ACOXL: variants seen among roughly 807,000 people sequenced by gnomAD.
The protein encoded by ACOXL is acyl-coenzyme A oxidase-like protein.
ACOXL carries 70 observed loss-of-function variants against 71.9 expected under a neutral mutation model. The observed-to-expected ratio is 0.97, with a 90% CI of 0.80 to 1.19. The LOEUF (loss-of-function observed/expected upper bound fraction) is 1.19, where lower values mean the gene tolerates loss of function less well. ACOXL is among the 50% of genes most tolerant of loss of function. The probability of loss-of-function intolerance (pLI) is 0.00; values close to 1 mark genes in which losing one functional copy is unlikely to be tolerated. For synonymous variants in ACOXL, 253 were observed against 281.6 expected (o/e 0.90, Z 1.02); for missense variants, 703 against 736.3 (o/e 0.95, Z 0.52).
intron 12 of ACOXL, chr2:110,963,565 A>ATGTGTGTGTGTGTGTGTG: frequency 6.9e-7 from 1 of 1,453,398 alleles, no homozygotes; most frequent in East Asian, 2.7e-5. Flanking sequence ...CAAATTTGAA[A>ATGTGTGTGTGTGTGTGTG]TGTGTGTGTG....
chr2:110,895,420 A>C (rs947750258), intron 10 of ACOXL, among the ~76,000 whole-genome samples: 4 of 152,198 alleles, frequency 2.6e-5, no homozygotes, highest in Admixed American at 2.0e-4. Flanking sequence ...AGTCTCAGGA[A>C]CTTGTGGAAC....
chr2:110,774,900 C>T (rs1356924715), intron 2 of ACOXL, among the ~76,000 whole-genome samples: 1 of 152,230 alleles, frequency 6.6e-6, no homozygotes, highest in African/African-American at 2.4e-5. Context: ...GGAGGCCTCT[C>T]ACTTCCTGAT....
At chr2:110,876,391 G>A (rs1695906523) in intron 10 of ACOXL, among the ~76,000 whole-genome samples, 1 of 152,154 alleles carries the variant, frequency 6.6e-6, no homozygotes, top group Non-Finnish European at 1.5e-5. Context: ...ATGCCCAGGG[G>A]CCGGGTCAGC....
chr2:111,004,308 G>A (rs547586607), intron 14 of ACOXL, among the ~76,000 whole-genome samples: 1 of 28,650 alleles, frequency 3.5e-5, no homozygotes, highest in East Asian at 5.1e-4. Context: ...CTTTAGAGAT[G>A]CTTGGCCAAA....
chr2:110,794,111 G>GA lies in ACOXL; in HGVS notation c.283dup (p.Arg95LysfsTer17), dbSNP rs755405366. On this transcript the variant is annotated frameshift_variant, in exon 5 of 18. Transcript: ENST00000439055. LOFTEE classifies it high-confidence loss of function. Reference sequence around the variant, plus strand: ...ACACTGGGATGTTTGCAATGACCGAGAGGGGCCATGGGAGCAACGCGAGAG... The same window carrying GA: ...ACACTGGGATGTTTGCAATGACCGAGAAGGGGCCATGGGAGCAACGCGAGAG... The GA allele has an allele frequency of 4.3e-6, 7 of 1,614,078 alleles. No homozygotes were observed. Among genetic ancestry groups the GA allele is most frequent in the Non-Finnish European group, 5.9e-6 (7 of 1,180,044 alleles).
At chr2:110,771,482 A>G (rs891074489) in intron 2 of ACOXL, among the ~76,000 whole-genome samples, 1 of 152,164 alleles carries the variant, frequency 6.6e-6, no homozygotes, top group Non-Finnish European at 1.5e-5. Context: ...ATGTGTAATG[A>G]TGATGTTCTA....
At chr2:110,984,247 G>C (rs556005550) in intron 12 of ACOXL, among the ~76,000 whole-genome samples, 1 of 152,120 alleles carries the variant, frequency 6.6e-6, no homozygotes, top group Admixed American at 6.6e-5. Flanking sequence ...TTTTTAAATA[G>C]AGTTAAAAAT....
At chr2:110,885,634 C>T (rs1006021322) in intron 10 of ACOXL, among the ~76,000 whole-genome samples, 4 of 152,176 alleles carry the variant, frequency 2.6e-5, no homozygotes, top group Non-Finnish European at 4.4e-5. Flanking sequence ...ATTATCACAA[C>T]ATTAGCTTTG....
At chr2:110,925,556 C>A (rs765465865) in intron 11 of ACOXL, among the ~76,000 whole-genome samples, 126 of 152,358 alleles carry the variant, frequency 8.3e-4, no homozygotes, top group Non-Finnish European at 1.2e-3. Context: ...TTCCTCACTT[C>A]TCTCAGCCTT....
At chr2:110,931,967 G>A (rs2060492593) in intron 11 of ACOXL, among the ~76,000 whole-genome samples, 1 of 152,112 alleles carries the variant, frequency 6.6e-6, no homozygotes, top group Admixed American at 6.5e-5. Flanking sequence ...TCTAAGAATT[G>A]TACATGAATT....
intron 16 of ACOXL, among the ~76,000 whole-genome samples, chr2:111,052,507 C>A (rs1349164133): frequency 6.6e-6 from 1 of 152,094 alleles, no homozygotes; most frequent in Non-Finnish European, 1.5e-5. Flanking sequence ...AAGTAACAGA[C>A]CCTGCAGACC....
At chr2:110,837,356 C>A (rs565168922) in intron 9 of ACOXL, among the ~76,000 whole-genome samples, 1 of 152,120 alleles carries the variant, frequency 6.6e-6, no homozygotes, top group Admixed American at 6.6e-5. Flanking sequence ...TGGGAAGTGG[C>A]GCTTAGTAGC....
At chr2:111,030,552 C>T (rs1480667089) in intron 14 of ACOXL, among the ~76,000 whole-genome samples, 1 of 152,130 alleles carries the variant, frequency 6.6e-6, no homozygotes, top group African/African-American at 2.4e-5. Flanking sequence ...CACCGGAGCA[C>T]AAAGCACTGT....
intron 10 of ACOXL, chr2:110,887,686 C>T (rs1697469004): frequency 6.6e-6 from 1 of 152,384 alleles, no homozygotes; most frequent in African/African-American, 2.4e-5. Flanking sequence ...TCTCTGACTC[C>T]TGGTCTCTAG....
At chr2:110,870,340 CTTTT>C (rs138530387) in intron 10 of ACOXL, among the ~76,000 whole-genome samples, 1 of 146,156 alleles carries the variant, frequency 6.8e-6, no homozygotes, top group African/African-American at 2.5e-5. Context: ...AAGCCCTAGA[CTTTT>C]TTTTTTTTTT....
intron 9 of ACOXL, among the ~76,000 whole-genome samples, chr2:110,827,829 C>G (rs1689342654): frequency 6.6e-6 from 1 of 152,180 alleles, no homozygotes; most frequent in African/African-American, 2.4e-5. Context: ...CCTCCCTGCA[C>G]AAATGCTGAT....
intron 14 of ACOXL, among the ~76,000 whole-genome samples, chr2:110,999,031 G>T (rs1040620110): frequency 6.6e-6 from 1 of 152,138 alleles, no homozygotes; most frequent in Admixed American, 6.5e-5. Context: ...CTGTCAAAAG[G>T]TTGTTATATT....
At chr2:111,054,325 G>T (rs895357597) in intron 16 of ACOXL, among the ~76,000 whole-genome samples, 1 of 152,234 alleles carries the variant, frequency 6.6e-6, no homozygotes, top group Non-Finnish European at 1.5e-5. Context: ...TCTTGTTCTA[G>T]GTGGAGGGCT....
intron 10 of ACOXL, among the ~76,000 whole-genome samples, chr2:110,907,771 A>T (rs751782559): frequency 9.2e-5 from 14 of 152,356 alleles, no homozygotes; most frequent in Middle Eastern, 3.4e-3. Flanking sequence ...TAAAAAGATT[A>T]TGATGCCCTT....
Sources: gnomAD v4.1 joint callset for allele counts (sites outside exome capture counted in the v4.1 genomes callset) on GRCh38, gnomAD v4.1.1 for gene constraint, MANE v1.5 for transcripts, NCBI Gene and HGNC (gene_info 2026-07-23, HGNC 2026-07-21) for gene names.